Variants in FAM72C observed in about 807,000 individuals in gnomAD.
FAM72C encodes the protein RUMY family member 3.
FAM72C carries 1 observed loss-of-function variant against 5.2 expected under a neutral mutation model. The ratio of observed to expected loss-of-function variants is 0.19; its 90% confidence interval spans 0.07 to 0.91. FAM72C has a LOEUF of 0.91. FAM72C is among the 40% of genes least tolerant of loss of function. FAM72C has a pLI of 0.66. For missense variants in FAM72C, 4 were observed against 66.0 expected (o/e 0.06, Z 3.25); for synonymous variants, 1 against 21.8 (o/e 0.05, Z 2.66).
intron 2 of FAM72C, among the ~76,000 whole-genome samples, chr1:143,966,845 T>C (rs1423626136): frequency 1.4e-5 from 2 of 141,026 alleles, no homozygotes; most frequent in Non-Finnish European, 3.1e-5. Context: ...CTGGCCAACA[T>C]GGCGAAACCC....
rs1367518241 is a variant in FAM72C at position 143,960,903 on chromosome 1, G to A, written c.355+3952C>T. On this transcript the variant is annotated intron_variant, in intron 3 of 3. Coordinates refer to ENST00000584486, the MANE Select transcript of FAM72C (RefSeq NM_001287385.2). The stretch of plus-strand genomic sequence containing the variant: ...GGCTGGAGTGCAGCGGTGCCACCTC[G>A]GCTTACTGCAACCTCCACCTCCTAG... Among the ~76,000 whole-genome samples, 3 of 127,034 alleles carry A rather than the reference G, an allele frequency of 2.4e-5. 1 individual carries two copies. Among genetic ancestry groups the A allele is most frequent in the Non-Finnish European group, 5.0e-5 (3 of 59,820 alleles). 83.3% of individuals were successfully genotyped at this position (127,034 alleles called of 152,430 possible).
rs1194130251 is a variant in FAM72C, at chr1:143,960,646, G to A, written c.356-4165C>T. Among the ~76,000 whole-genome samples the A allele has an allele frequency of 2.6e-4, 34 of 130,674 alleles. 2 individuals carry two copies. Among genetic ancestry groups the A allele is most frequent in the Admixed American group, 4.6e-4 (6 of 13,026 alleles). 85.7% of individuals were successfully genotyped at this position (130,674 alleles called of 152,430 possible). On this transcript the variant is annotated intron_variant, in intron 3 of 3. Transcript: ENST00000584486. ...TGAGGCACGAGAATCGCTTGAACCC[G>A]GGAGGCAGAGGCTGCCATGAGCCAA...
intron 3 of FAM72C, among the ~76,000 whole-genome samples, chr1:143,960,009 T>C (rs1192882040): frequency 7.6e-6 from 1 of 132,100 alleles, no homozygotes; most frequent in Non-Finnish European, 1.6e-5. Flanking sequence ...AAAATCAACT[T>C]GGTCTGTTGT....
intron 2 of FAM72C, among the ~76,000 whole-genome samples, chr1:143,968,670 CT>C (rs1210909410): frequency 5.2e-3 from 61 of 11,688 alleles, no homozygotes; most frequent in African/African-American, 0.012. Flanking sequence ...TTTCTCCCCC[CT>C]AACCTACATT....
chr1:143,960,573 C>CA (rs1661586754), intron 3 of FAM72C, among the ~76,000 whole-genome samples: 1 of 139,792 alleles, frequency 7.2e-6, no homozygotes, highest in African/African-American at 2.6e-5. Context: ...ACTAAAAATA[C>CA]AAAAAAATTA....
rs1661599356 is a variant in FAM72C, at chr1:143,960,791, T to G, written c.355+4064A>C. ...CTTAACACAAGGAAAAAGAATTTTTTTTTTTTAAAAGAATTGGTAGTGTAC... is the reference window on the plus strand; with the variant it reads ...CTTAACACAAGGAAAAAGAATTTTTGTTTTTTAAAAGAATTGGTAGTGTAC... On this transcript the variant is annotated intron_variant, in intron 3 of 3. Transcript: ENST00000584486. Among the ~76,000 whole-genome samples the G allele has an allele frequency of 1.4e-5, 2 of 145,088 alleles. 1 individual carries two copies. Among genetic ancestry groups the G allele is most frequent in the Non-Finnish European group, 3.0e-5 (2 of 65,660 alleles).
At chr1:143,963,734 A>C (rs1661698685) in intron 3 of FAM72C, among the ~76,000 whole-genome samples, 1 of 132,586 alleles carries the variant, frequency 7.5e-6, no homozygotes, top group Non-Finnish European at 1.6e-5. Flanking sequence ...AGTCATCAAC[A>C]TCAAGGCAAG....
chr1:143,970,771 T>C (rs1261821047), intron 1 of FAM72C, among the ~76,000 whole-genome samples: 7 of 48,254 alleles, frequency 1.5e-4, no homozygotes, highest in African/African-American at 5.1e-4. Context: ...ATGACTGCAA[T>C]TGAACTAGAA....
chr1:143,966,891 G>A lies in FAM72C; in HGVS notation c.231-1912C>T, dbSNP rs1661788050. On this transcript the variant is annotated intron_variant, in intron 2 of 3. Transcript: ENST00000584486. ...AAAAATACGAAAATTAACTGGGCAT[G>A]GTGGCACGTGCCTGTAGTCCCAGCT... Among the ~76,000 whole-genome samples, 2 of 142,028 alleles carry A rather than the reference G, an allele frequency of 1.4e-5. 1 individual carries two copies. The highest frequency in any genetic ancestry group is 1.4e-4 in the Admixed American group (2 of 14,230). The allele number at this position is 142,028 out of a possible 152,430, so 93.2% of individuals were successfully genotyped here.
rs1265452523 is a variant in FAM72C at position 143,967,393 on chromosome 1, G to A, written c.230+1531C>T. On this transcript the variant is annotated intron_variant, in intron 2 of 3. Transcript: ENST00000584486. ...CTCAGGAGGCTGAGGCAGGAGATTCGCTTGAACCTGGGAGGCAGAGGTTGC... is the reference window on the plus strand; with the variant it reads ...CTCAGGAGGCTGAGGCAGGAGATTCACTTGAACCTGGGAGGCAGAGGTTGC... Among the ~76,000 whole-genome samples the A allele has an allele frequency of 1.0e-4, 15 of 142,874 alleles. 2 individuals are homozygous for A. Among genetic ancestry groups the A allele is most frequent in the African/African-American group, 2.6e-4 (10 of 38,346 alleles). 93.7% of individuals were successfully genotyped at this position (142,874 alleles called of 152,430 possible).
chr1:143,967,105 A>T (rs1558543529), intron 2 of FAM72C, among the ~76,000 whole-genome samples: 1 of 140,774 alleles, frequency 7.1e-6, no homozygotes, highest in Admixed American at 7.1e-5. Context: ...AGGCCGAGGC[A>T]GGTGGATCAC....
At chr1:143,966,946 T>C (rs1473693850) in intron 2 of FAM72C, among the ~76,000 whole-genome samples, 1 of 143,970 alleles carries the variant, frequency 6.9e-6, no homozygotes, top group Non-Finnish European at 1.5e-5. Context: ...GAGAATCACT[T>C]GAACCCAGAA....
intron 2 of FAM72C, among the ~76,000 whole-genome samples, chr1:143,968,352 T>TA (rs1354326251): frequency 2.8e-5 from 1 of 35,574 alleles, no homozygotes; most frequent in Non-Finnish European, 6.9e-5. Context: ...GCTACAAAAA[T>TA]AAAAAACTTA....
chr1:143,962,103 C>T (rs1553517953), intron 3 of FAM72C, among the ~76,000 whole-genome samples: 1 of 136,070 alleles, frequency 7.3e-6, no homozygotes, highest in Non-Finnish European at 1.6e-5. Flanking sequence ...CAACCTCCGC[C>T]TCCCGGGTTC....
intron 3 of FAM72C, among the ~76,000 whole-genome samples, chr1:143,960,629 G>A (rs1440448153): frequency 1.5e-5 from 2 of 130,018 alleles, no homozygotes; most frequent in African/African-American, 5.8e-5. Flanking sequence ...GCTGAGGCAC[G>A]AGAATCGCTT....
intron 3 of FAM72C, among the ~76,000 whole-genome samples, chr1:143,959,183 C>A (rs1227342430): frequency 7.2e-6 from 1 of 138,266 alleles, no homozygotes; most frequent in African/African-American, 3.0e-5. Context: ...AGATTCAGTG[C>A]AAATGGAAGA....
intron 3 of FAM72C, among the ~76,000 whole-genome samples, chr1:143,959,217 A>T (rs2101687195): frequency 7.3e-6 from 1 of 136,168 alleles, no homozygotes; most frequent in Non-Finnish European, 1.6e-5. Context: ...ATCTTTGAAA[A>T]ATTGACCAAT....
intron 3 of FAM72C, among the ~76,000 whole-genome samples, chr1:143,959,418 CCTT>C (rs1269987752): frequency 7.2e-6 from 1 of 138,728 alleles, no homozygotes; most frequent in East Asian, 2.1e-4. Context: ...ATGAAAATGG[CCTT>C]CTTAACATAC....
chr1:143,960,354 C>T (rs1158796181), intron 3 of FAM72C, among the ~76,000 whole-genome samples: 2 of 75,148 alleles, frequency 2.7e-5, no homozygotes, highest in East Asian at 3.1e-4. Context: ...TGCGGTGAGC[C>T]GAGATCACGC....
Sources: gnomAD v4.1 joint callset for allele counts (sites outside exome capture counted in the v4.1 genomes callset) on GRCh38, gnomAD v4.1.1 for gene constraint, MANE v1.5 for transcripts, NCBI Gene and HGNC (gene_info 2026-07-23, HGNC 2026-07-21) for gene names.